The following KIF26B variants were observed in gnomAD, a reference collection of about 807,000 sequenced individuals.
The protein encoded by KIF26B is kinesin-like protein KIF26B.
Under a neutral mutation model 151.2 loss-of-function variants are expected in KIF26B, and 63 were observed. The observed-to-expected ratio is 0.42, with a 90% CI of 0.34 to 0.51. The LOEUF (loss-of-function observed/expected upper bound fraction) is 0.51. Among genes scored for constraint, KIF26B ranks in the 20% least tolerant of loss-of-function variants. The pLI is 0.07. For missense variants in KIF26B, 2,813 were observed against 2,913.6 expected (o/e 0.97, Z 0.79); for synonymous variants, 1,357 against 1,262.1 (o/e 1.08, Z -1.59).
intron 3 of KIF26B, among the ~76,000 whole-genome samples, chr1:245,405,404 G>A (rs562934018): frequency 2.6e-5 from 4 of 152,186 alleles, no homozygotes; most frequent in African/African-American, 7.2e-5. Flanking sequence ...TTTTATTTGA[G>A]GAGAAAGATG....
rs116830938 is a variant in KIF26B, at chr1:245,428,222, T to C, written c.1166+8477T>C. On this transcript the variant is annotated intron_variant, in intron 4 of 14. Transcript: ENST00000407071. ...TCTGCTTAGAAAATACTCCGTTGATTTCTTGGAAAAGAAGGGACTCTCACT... is the reference window on the plus strand; with the variant it reads ...TCTGCTTAGAAAATACTCCGTTGATCTCTTGGAAAAGAAGGGACTCTCACT... Among the ~76,000 whole-genome samples the C allele has an allele frequency of 4.4e-3, 676 of 152,310 alleles. 3 individuals carry two copies. Among genetic ancestry groups the C allele is most frequent in the Non-Finnish European group, 7.2e-3 (487 of 68,026 alleles).
At chr1:245,603,986 T>C (rs1184692244) in intron 6 of KIF26B, among the ~76,000 whole-genome samples, 1 of 152,188 alleles carries the variant, frequency 6.6e-6, no homozygotes, top group African/African-American at 2.4e-5. Context: ...CAACTAAAGC[T>C]GCTAGTAGAT....
At chr1:245,648,632 C>A (rs1454095321) in intron 10 of KIF26B, among the ~76,000 whole-genome samples, 119 of 140,336 alleles carry the variant, frequency 8.5e-4, no homozygotes, top group African/African-American at 2.5e-3. Context: ...GACCCTGTCT[C>A]AAAAAAAAAA....
At chr1:245,469,791 C>T (rs1659871703) in intron 4 of KIF26B, among the ~76,000 whole-genome samples, 1 of 152,222 alleles carries the variant, frequency 6.6e-6, no homozygotes, top group African/African-American at 2.4e-5. Context: ...TATTGCAACA[C>T]ATCCCAAACC....
chr1:245,380,057 C>A (rs1673372034), intron 3 of KIF26B, among the ~76,000 whole-genome samples: 8 of 151,896 alleles, frequency 5.3e-5, no homozygotes, highest in Admixed American at 5.2e-4. Flanking sequence ...TGCTAACAGT[C>A]TTTAGTGTGA....
At chr1:245,356,942 G>A (rs1279909681) in intron 2 of KIF26B, among the ~76,000 whole-genome samples, 1 of 152,214 alleles carries the variant, frequency 6.6e-6, no homozygotes, top group Non-Finnish European at 1.5e-5. Context: ...GGTAAGAGAT[G>A]GCCAGGCAGA....
At chr1:245,463,453 C>T (rs978902453) in intron 4 of KIF26B, among the ~76,000 whole-genome samples, 2 of 152,148 alleles carry the variant, frequency 1.3e-5, no homozygotes, top group African/African-American at 4.8e-5. Flanking sequence ...CGTACCATGA[C>T]GGGTTTTCTT....
At chr1:245,204,576 G>T (rs1223035830) in intron 2 of KIF26B, among the ~76,000 whole-genome samples, 7 of 152,028 alleles carry the variant, frequency 4.6e-5, no homozygotes, top group African/African-American at 1.4e-4. Flanking sequence ...GTTTCGCCAT[G>T]TTGGCCAGGC....
At chr1:245,612,818 G>A (rs1476451785) in intron 9 of KIF26B, among the ~76,000 whole-genome samples, 1 of 152,144 alleles carries the variant, frequency 6.6e-6, no homozygotes, top group Non-Finnish European at 1.5e-5. Flanking sequence ...ACCCAGGTAC[G>A]GTGCCTGCTC....
chr1:245,532,218 TTTTTCTTTTCTTTTC>T lies in KIF26B; in HGVS notation c.1167-8529_1167-8515del, dbSNP rs543766882. ...AGTCCTTGAAGCATAGGAAAATTCT[TTTTTCTTTTCTTTTC>T]TTTTCTTTTCTTTTCTTTTTTTTTT... On this transcript the variant is annotated intron_variant, in intron 4 of 14. Transcript: ENST00000407071. 6.9e-5 allele frequency among the ~76,000 whole-genome samples: 10 copies of T among 145,288 alleles called. No homozygotes were observed. The East Asian group carries it at 1.2e-3, about 17-fold the overall frequency.
Position 245,572,845 on chromosome 1 carries a change from G to A in KIF26B, c.1351-29732G>A, listed in dbSNP as rs2043078240. Among the ~76,000 whole-genome samples, 1 of 152,036 alleles carries A rather than the reference G, an allele frequency of 6.6e-6. No individual in the cohort carries two copies. Among genetic ancestry groups the A allele is most frequent in the Non-Finnish European group, 1.5e-5 (1 of 68,028 alleles). ...TTTTGTGGCTCAGATGTGTCTTTGCGGGGAAATGGTCAGGCGTCCTCTGTT... is the reference window on the plus strand; with the variant it reads ...TTTTGTGGCTCAGATGTGTCTTTGCAGGGAAATGGTCAGGCGTCCTCTGTT... On this transcript the variant is annotated intron_variant, in intron 5 of 14. Transcript: ENST00000407071. The surrounding 1 kb of genome is among the most constrained non-coding windows in gnomAD (Gnocchi z 4.2).
intron 4 of KIF26B, among the ~76,000 whole-genome samples, chr1:245,462,876 GAATGAA>G (rs1207716488): frequency 1.7e-5 from 2 of 114,546 alleles, no homozygotes; most frequent in Admixed American, 8.4e-5. Flanking sequence ...ATGAATGAAT[GAATGAA>G]TAAGACCTGA....
At chr1:245,611,653 A>G in intron 8 of KIF26B, 140 bp from the exon 9 acceptor site, 1 of 699,718 alleles carries the variant, frequency 1.4e-6, no homozygotes, top group Non-Finnish European at 2.3e-6. Flanking sequence ...TTGTTTCAGA[A>G]GGGTTTTCAG....
intron 3 of KIF26B, among the ~76,000 whole-genome samples, chr1:245,404,774 G>A (rs1305311853): frequency 6.6e-6 from 1 of 152,214 alleles, no homozygotes; most frequent in East Asian, 1.9e-4. Flanking sequence ...TCACAGAAGA[G>A]CTTTGTCTCT....
chr1:245,429,403 T>A (rs1658725756), intron 4 of KIF26B, among the ~76,000 whole-genome samples: 1 of 152,150 alleles, frequency 6.6e-6, no homozygotes, highest in Non-Finnish European at 1.5e-5. Flanking sequence ...TCTGGTATCA[T>A]GTCTCTGAGA....
intron 2 of KIF26B, among the ~76,000 whole-genome samples, chr1:245,355,063 G>A (rs1314155227): frequency 6.6e-6 from 1 of 152,138 alleles, no homozygotes; most frequent in Non-Finnish European, 1.5e-5. Context: ...TGGGGCTACA[G>A]GCACCCACCA....
At chr1:245,326,854 T>G (rs1671999865) in intron 2 of KIF26B, among the ~76,000 whole-genome samples, 2 of 152,192 alleles carry the variant, frequency 1.3e-5, no homozygotes, top group Non-Finnish European at 2.9e-5. Context: ...ATCTGGCCAG[T>G]CCAGTTTCTC....
At chr1:245,504,203 C>T (rs1220518699) in intron 4 of KIF26B, among the ~76,000 whole-genome samples, 3 of 152,100 alleles carry the variant, frequency 2.0e-5, no homozygotes, top group Non-Finnish European at 4.4e-5. Flanking sequence ...CCATTGCTCT[C>T]TCCATCTCCC....
chr1:245,263,196 G>T (rs1187540037), intron 2 of KIF26B, among the ~76,000 whole-genome samples: 1 of 152,192 alleles, frequency 6.6e-6, no homozygotes, highest in Non-Finnish European at 1.5e-5. Context: ...AGAGTGGATT[G>T]CTGATGCCTT....
Sources: allele counts gnomAD v4.1 joint callset (sites outside exome capture counted in the v4.1 genomes callset), GRCh38; gene constraint gnomAD v4.1.1; non-coding constraint Gnocchi (gnomAD v3.1); transcripts MANE v1.5; gene names NCBI Gene and HGNC (gene_info 2026-07-23, HGNC 2026-07-21).